Variants in RBPJ observed in about 807,000 individuals in gnomAD.
The protein encoded by RBPJ is recombination signal binding protein for immunoglobulin kappa J region, also known as recombining binding protein suppressor of hairless.
In RBPJ, 9 loss-of-function variants were observed where a neutral mutation model predicts 67.8. That is an observed-to-expected ratio of 0.13 (90% CI 0.08 to 0.23). The LOEUF (loss-of-function observed/expected upper bound fraction) is 0.23, where lower values mean the gene tolerates loss of function less well. Among genes scored for constraint, RBPJ ranks in the 10% least tolerant of loss-of-function variants. The pLI, the probability that RBPJ is intolerant of heterozygous loss-of-function variation, is 1.00. For missense variants in RBPJ, 305 were observed against 595.6 expected, an observed-to-expected ratio of 0.51 and a Z score of 5.08; for synonymous variants, 198 against 203.3, an observed-to-expected ratio of 0.97 and a Z score of 0.22.
chr4:26,250,075 C>T (rs1242580253), intron 1 of RBPJ, among the ~76,000 whole-genome samples: 16 of 151,946 alleles, frequency 1.1e-4, no homozygotes, highest in African/African-American at 1.9e-4. Flanking sequence ...TGTGAGCCAC[C>T]GCGCCTGGCC....
intron 7 of RBPJ, among the ~76,000 whole-genome samples, chr4:26,426,731 C>CA (rs1276521142): frequency 2.0e-5 from 3 of 152,094 alleles, no homozygotes; most frequent in Non-Finnish European, 4.4e-5. Flanking sequence ...AGAATGAAGT[C>CA]AAAGAACCGG....
At chr4:26,161,247 A>C (rs1716070791), upstream of RBPJ, among the ~76,000 whole-genome samples, 1 of 152,218 alleles carries the variant, frequency 6.6e-6, no homozygotes, top group East Asian at 1.9e-4. Flanking sequence ...CATGGGGCAG[A>C]AATGAGCCAT....
intron 1 of RBPJ, among the ~76,000 whole-genome samples, chr4:26,217,661 T>C (rs565466806): frequency 2.0e-4 from 30 of 152,082 alleles, no homozygotes; most frequent in Non-Finnish European, 4.4e-4. Flanking sequence ...TTGCACTCAA[T>C]ATAAAACCCA....
At position 26,388,595 on chromosome 4, in the gene RBPJ, T is replaced by TAC. The variant is rs200399357; in HGVS notation, c.59+2213_59+2214dup. Among the ~76,000 whole-genome samples the TAC allele has an allele frequency of 7.4e-3, 884 of 119,580 alleles. 8 individuals are homozygous for TAC. The highest frequency in any genetic ancestry group is 0.012 in the Non-Finnish European group (616 of 51,008). The allele number at this position is 119,580 out of a possible 152,430, so 78.4% of individuals were successfully genotyped here. ...GAGGTTAAATAGAGACATAGAAGATTACACACACACTCTCTCTCTCTCTCT... is the reference window on the plus strand; with the variant it reads ...GAGGTTAAATAGAGACATAGAAGATTACACACACACACTCTCTCTCTCTCTCT... On this transcript the variant is annotated intron_variant, in intron 2 of 10. Transcript: ENST00000355476.
At chr4:26,265,261 G>A (rs921856674) in intron 1 of RBPJ, among the ~76,000 whole-genome samples, 1 of 152,176 alleles carries the variant, frequency 6.6e-6, no homozygotes, top group African/African-American at 2.4e-5. Context: ...GGGCTTGGTG[G>A]CTCATGCCTA....
At chr4:26,211,488 C>T (rs1392903192) in intron 1 of RBPJ, among the ~76,000 whole-genome samples, 3 of 152,018 alleles carry the variant, frequency 2.0e-5, no homozygotes, top group Admixed American at 6.6e-5. Flanking sequence ...TTTCACATAC[C>T]ATAGATTCAC....
At chr4:26,407,228 C>T (rs983295619) in intron 3 of RBPJ, among the ~76,000 whole-genome samples, 1 of 152,134 alleles carries the variant, frequency 6.6e-6, no homozygotes, top group Non-Finnish European at 1.5e-5. Flanking sequence ...TGAATAAGCT[C>T]TTGATCCTAA....
intron 1 of RBPJ, among the ~76,000 whole-genome samples, chr4:26,285,080 C>T (rs1360034087): frequency 6.6e-6 from 1 of 152,000 alleles, no homozygotes; most frequent in Non-Finnish European, 1.5e-5. Context: ...TGATCTCGAA[C>T]TCCTGACCTT....
chr4:26,397,423 A>G (rs868288618), intron 2 of RBPJ, among the ~76,000 whole-genome samples: 1 of 152,098 alleles, frequency 6.6e-6, no homozygotes, highest in African/African-American at 2.4e-5. Context: ...AGAATTTTAT[A>G]AAAAAATTCT....
Position 26,216,046 on chromosome 4 carries a change from T to C in RBPJ, c.-167+52432T>C, listed in dbSNP as rs527724651. 2.8e-4 allele frequency among the ~76,000 whole-genome samples: 43 copies of C among 152,172 alleles called. 3 individuals carry two copies. Among genetic ancestry groups the C allele is most frequent in the African/African-American group, 9.9e-4 (41 of 41,538 alleles). On this transcript the variant is annotated intron_variant, in intron 1 of 4. Coordinates refer to the RBPJ transcript ENST00000512351. Reference sequence around the variant, plus strand: ...CTATCGCCAAAGACCCCGGGGGAAATTCAGTTCCTTGCCTCTTAGCTTCTA... The same window carrying C: ...CTATCGCCAAAGACCCCGGGGGAAACTCAGTTCCTTGCCTCTTAGCTTCTA...
At chr4:26,352,623 A>G (rs1265747326) in intron 1 of RBPJ, among the ~76,000 whole-genome samples, 2 of 152,212 alleles carry the variant, frequency 1.3e-5, no homozygotes, top group Non-Finnish European at 2.9e-5. Flanking sequence ...GAATCACTTG[A>G]ACCTGGGAGG....
At chr4:26,428,102 C>T (rs1403469555) in intron 7 of RBPJ, among the ~76,000 whole-genome samples, 1 of 152,162 alleles carries the variant, frequency 6.6e-6, no homozygotes, top group Non-Finnish European at 1.5e-5. Flanking sequence ...TTTGTCTGAC[C>T]TTTCTAAGCC....
At chr4:26,330,370 A>G (rs558514354) in intron 1 of RBPJ, among the ~76,000 whole-genome samples, 18 of 152,358 alleles carry the variant, frequency 1.2e-4, no homozygotes, top group African/African-American at 4.3e-4. Flanking sequence ...TTGGTAATAT[A>G]TAACACTTGC....
At chr4:26,316,674 A>ATATATATATACACACATTGTG (rs1722655248), upstream of RBPJ, among the ~76,000 whole-genome samples, 1 of 97,734 alleles carries the variant, frequency 1.0e-5, no homozygotes, top group Non-Finnish European at 1.8e-5. Context: ...ATATATACAC[A>ATATATATATACACACATTGTG]TATATATATA....
the RBPJ span, chr4:26,112,176 A>G: frequency 0.42 from 63,595 of 152,736 alleles, 13,996 homozygotes; most frequent in Non-Finnish European, 0.46. Flanking sequence ...GCTTGTGTTC[A>G]CCAAAAACAA....
At chr4:26,159,905 T>TTCTC (rs35911476), upstream of RBPJ, among the ~76,000 whole-genome samples, 353 of 147,168 alleles carry the variant, frequency 2.4e-3, 3 homozygotes, top group Middle Eastern at 0.018. Context: ...GCAAGAAGCT[T>TTCTC]TCTCTCTCTC....
At chr4:26,131,440 A>G in the RBPJ span, among the ~76,000 whole-genome samples, 1 of 152,200 alleles carries the variant, frequency 6.6e-6, no homozygotes, top group African/African-American at 2.4e-5. Context: ...ACACACAGAC[A>G]CACACACTCA....
intron 1 of RBPJ, chr4:26,384,539 A>G (rs1161607610): frequency 6.6e-6 from 1 of 152,172 alleles, no homozygotes; most frequent in Non-Finnish European, 1.5e-5. Flanking sequence ...TCTTGCTTCA[A>G]GGTCTTTTTC....
At chr4:26,203,235 A>T (rs896506630) in intron 1 of RBPJ, among the ~76,000 whole-genome samples, 1 of 152,210 alleles carries the variant, frequency 6.6e-6, no homozygotes, top group Non-Finnish European at 1.5e-5. Context: ...ATAGTTTTTC[A>T]TTACTGTGAG....
Sources: gnomAD v4.1 joint callset for allele counts (sites outside exome capture counted in the v4.1 genomes callset) on GRCh38, gnomAD v4.1.1 for gene constraint, MANE v1.5 for transcripts, NCBI Gene and HGNC (gene_info 2026-07-23, HGNC 2026-07-21) for gene names.